CACNA2D1: variants seen among roughly 807,000 people sequenced by gnomAD.
CACNA2D1 encodes calcium voltage-gated channel auxiliary subunit alpha2delta 1, also known as voltage-dependent calcium channel subunit alpha-2/delta-1.
CACNA2D1 carries 53 observed loss-of-function variants against 171.5 expected under a neutral mutation model. The observed-to-expected ratio is 0.31, with a 90% CI of 0.25 to 0.39. The LOEUF is 0.39. Ranked by LOEUF, CACNA2D1 falls within the 10% of genes least tolerant of loss-of-function variation. The pLI, the probability that CACNA2D1 is intolerant of heterozygous loss-of-function variation, is 1.00. For synonymous variants in CACNA2D1, 442 were observed against 443.1 expected (o/e 1.00, Z 0.03); for missense variants, 903 against 1,299.8 (o/e 0.69, Z 4.69).
chr7:82,266,039 T>G (rs963126254), intron 3 of CACNA2D1, among the ~76,000 whole-genome samples: 7 of 152,206 alleles, frequency 4.6e-5, no homozygotes, highest in Admixed American at 3.3e-4. Context: ...AATTTATTTG[T>G]GTATATGCAT....
intron 38 of CACNA2D1, among the ~76,000 whole-genome samples, chr7:81,957,869 ATTT>A (rs1793610434): frequency 1.3e-5 from 2 of 152,058 alleles, no homozygotes; most frequent in African/African-American, 4.8e-5. Context: ...CTAGAATAAT[ATTT>A]TGGGCAATAG....
intron 22 of CACNA2D1, among the ~76,000 whole-genome samples, chr7:81,983,648 CAA>C (rs561691619): frequency 9.5e-4 from 145 of 152,236 alleles, no homozygotes; most frequent in African/African-American, 3.3e-3. Flanking sequence ...ATTTACTAAT[CAA>C]AGACTCACGA....
chr7:82,271,645 T>C (rs1808646878), intron 3 of CACNA2D1, among the ~76,000 whole-genome samples: 1 of 152,074 alleles, frequency 6.6e-6, no homozygotes, highest in South Asian at 2.1e-4. Context: ...TAGTACGTTG[T>C]TTTATTATTT....
intron 3 of CACNA2D1, among the ~76,000 whole-genome samples, chr7:82,302,232 T>G (rs2129426095): frequency 6.6e-6 from 1 of 152,308 alleles, no homozygotes; most frequent in East Asian, 1.9e-4. Context: ...TTTTATGTAT[T>G]AATAAAATTT....
intron 1 of CACNA2D1, among the ~76,000 whole-genome samples, chr7:82,416,571 G>A (rs1377282504): frequency 6.6e-6 from 1 of 152,056 alleles, no homozygotes; most frequent in African/African-American, 2.4e-5. Flanking sequence ...TAATTCTTTG[G>A]TGTATGGCAG....
At chr7:81,981,348 C>T (rs560203016) in intron 24 of CACNA2D1, among the ~76,000 whole-genome samples, 119 of 152,226 alleles carry the variant, frequency 7.8e-4, no homozygotes, top group African/African-American at 2.8e-3. Flanking sequence ...CAAAGGACAG[C>T]GTGATCAACA....
At chr7:82,393,782 G>C (rs769925227) in intron 1 of CACNA2D1, among the ~76,000 whole-genome samples, 1 of 151,946 alleles carries the variant, frequency 6.6e-6, no homozygotes. Context: ...CCTAATATTC[G>C]AAAATTTAAA....
Position 82,370,188 on chromosome 7 carries a change from G to A in CACNA2D1, c.96-20539C>T, listed in dbSNP as rs527563345. On this transcript the variant is annotated intron_variant, in intron 1 of 38. Transcript: ENST00000356860. ...TGCTATTACAGAACTCATAGTTAATGTACTAGGACAAGAAAATAAATACAA... is the reference window on the plus strand; with the variant it reads ...TGCTATTACAGAACTCATAGTTAATATACTAGGACAAGAAAATAAATACAA... 3.3e-5 allele frequency among the ~76,000 whole-genome samples: 5 copies of A among 152,066 alleles called. No individual in the cohort carries two copies. In the South Asian group the frequency reaches 1.0e-3, roughly 32 times the overall value.
chr7:82,091,663 G>A (rs1040041742), intron 6 of CACNA2D1, among the ~76,000 whole-genome samples: 1 of 152,196 alleles, frequency 6.6e-6, no homozygotes, highest in Non-Finnish European at 1.5e-5. Context: ...TGTAAGATTT[G>A]AGGAGGGAGA....
At chr7:82,173,852 T>C (rs555163819) in intron 3 of CACNA2D1, among the ~76,000 whole-genome samples, 10 of 151,806 alleles carry the variant, frequency 6.6e-5, no homozygotes, top group African/African-American at 2.4e-4. Context: ...AAGACCAGCC[T>C]GGGCAGCATA....
At chr7:82,382,061 G>T (rs969931956) in intron 1 of CACNA2D1, among the ~76,000 whole-genome samples, 1 of 152,158 alleles carries the variant, frequency 6.6e-6, no homozygotes, top group Non-Finnish European at 1.5e-5. Flanking sequence ...GTGAATCTTC[G>T]TGACTTGAAG....
intron 3 of CACNA2D1, among the ~76,000 whole-genome samples, chr7:82,289,262 T>C (rs1811224912): frequency 6.6e-6 from 1 of 152,164 alleles, no homozygotes; most frequent in African/African-American, 2.4e-5. Context: ...ATCCAACATA[T>C]ACATAATTTA....
chr7:82,264,640 A>G (rs1333787604), intron 3 of CACNA2D1, among the ~76,000 whole-genome samples: 1 of 152,206 alleles, frequency 6.6e-6, no homozygotes, highest in Non-Finnish European at 1.5e-5. Flanking sequence ...ATGAAGAAAG[A>G]AAAGGAAAAG....
rs1164601123 is a variant in CACNA2D1 at position 81,955,980 on chromosome 7, ATTTTTTTTTTTTT to A, written c.3159+3282_3159+3294del. On this transcript the variant is annotated intron_variant, in intron 38 of 38. Transcript: ENST00000356860. ...TGTTGCTATATATATATATATATAT[ATTTTTTTTTTTTT>A]TTTTTTTTTTTGGAAATGGAGTCTA... 2.1e-3 allele frequency among the ~76,000 whole-genome samples: 74 copies of A among 34,546 alleles called. 1 individual carries two copies. The highest frequency in any genetic ancestry group is 3.1e-3 in the Non-Finnish European group (63 of 20,346). 22.7% of individuals were successfully genotyped at this position (34,546 alleles called of 152,430 possible). A position where few individuals can be genotyped will look rare whatever the true frequency, so the allele number is the denominator to read the frequency against.
chr7:82,380,855 C>T (rs919132142), intron 1 of CACNA2D1, among the ~76,000 whole-genome samples: 7 of 151,758 alleles, frequency 4.6e-5, no homozygotes, highest in African/African-American at 1.5e-4. Context: ...CCACCACACC[C>T]GGCTAATTTT....
Position 82,234,867 on chromosome 7 carries a change from G to C in CACNA2D1, c.295-64258C>G, listed in dbSNP as rs141064593. ...CCCTACTTCTGTCTCCAAAACAGGCGTATCTCTGTACCTTCTGAACTCACA... is the reference window on the plus strand; with the variant it reads ...CCCTACTTCTGTCTCCAAAACAGGCCTATCTCTGTACCTTCTGAACTCACA... On this transcript the variant is annotated intron_variant, in intron 3 of 38. Coordinates refer to ENST00000356860, the MANE Select transcript of CACNA2D1 (RefSeq NM_000722.4). 2.0e-5 allele frequency among the ~76,000 whole-genome samples: 3 copies of C among 152,222 alleles called. No individual in the cohort carries two copies. The East Asian group carries it at 5.8e-4, about 29-fold the overall frequency.
Position 82,283,627 on chromosome 7 carries a change from G to A in CACNA2D1, c.294+51508C>T, listed in dbSNP as rs1810389761. Reference sequence around the variant, plus strand: ...ATATGGTCTTGGAAGAAGATGATAGGAGGAAGATTCTTATATACTAACAAT... The same window carrying A: ...ATATGGTCTTGGAAGAAGATGATAGAAGGAAGATTCTTATATACTAACAAT... On this transcript the variant is annotated intron_variant, in intron 3 of 38. Transcript: ENST00000356860. 1.3e-5 allele frequency among the ~76,000 whole-genome samples: 2 copies of A among 152,078 alleles called. 1 individual carries two copies. Among genetic ancestry groups the A allele is most frequent in the Admixed American group, 1.3e-4 (2 of 15,260 alleles).
chr7:82,332,534 GAAA>G (rs1817464930), intron 3 of CACNA2D1, among the ~76,000 whole-genome samples: 2 of 66,756 alleles, frequency 3.0e-5, no homozygotes, highest in African/African-American at 8.5e-5. Context: ...AAGAAAGAAA[GAAA>G]GAAAGAAAGA....
chr7:82,263,259 C>T (rs887044079), intron 3 of CACNA2D1, among the ~76,000 whole-genome samples: 1 of 151,926 alleles, frequency 6.6e-6, no homozygotes, highest in Non-Finnish European at 1.5e-5. Flanking sequence ...CAGGTGCGCA[C>T]CACCAAGCCT....
Sources: gnomAD v4.1 joint callset for allele counts (sites outside exome capture counted in the v4.1 genomes callset) on GRCh38, gnomAD v4.1.1 for gene constraint, MANE v1.5 for transcripts, NCBI Gene and HGNC (gene_info 2026-07-23, HGNC 2026-07-21) for gene names.